Variants in ELOVL5 observed in about 807,000 individuals in gnomAD.
ELOVL5 encodes very long chain fatty acid elongase 5.
Under a neutral mutation model 38.6 loss-of-function variants are expected in ELOVL5, and 8 were observed. The ratio of observed to expected loss-of-function variants is 0.21; its 90% confidence interval spans 0.12 to 0.37. ELOVL5 has a LOEUF of 0.37. Among genes scored for constraint, ELOVL5 ranks in the 10% least tolerant of loss-of-function variants. The pLI is 1.00. For synonymous variants in ELOVL5, 127 were observed against 133.7 expected, an observed-to-expected ratio of 0.95 and a Z score of 0.34; for missense variants, 280 against 367.8, an observed-to-expected ratio of 0.76 and a Z score of 1.95.
intron 1 of ELOVL5, among the ~76,000 whole-genome samples, chr6:53,313,799 C>G (rs1214773729): frequency 1.3e-5 from 2 of 152,054 alleles, no homozygotes; most frequent in Non-Finnish European, 2.9e-5. Context: ...CACTGAGAAG[C>G]AAAAAAGGGT....
rs1178195926 is a variant in ELOVL5, at chr6:53,305,579, G to A, written c.-8-9872C>T. On this transcript the variant is annotated intron_variant, in intron 1 of 7. Coordinates refer to ENST00000304434, the MANE Select transcript of ELOVL5 (RefSeq NM_021814.5). ...TCCCAGACGGGGTCGCGGCTGGGCC[G>A]AGGCGCTCCCCACATCTCAGACGAT... Among the ~76,000 whole-genome samples the A allele has an allele frequency of 2.7e-4, 41 of 151,168 alleles. 1 individual carries two copies. Among genetic ancestry groups the A allele is most frequent in the Middle Eastern group, 3.4e-3 (1 of 292 alleles).
chr6:53,315,652 A>G (rs989556094), intron 1 of ELOVL5, among the ~76,000 whole-genome samples: 2 of 152,210 alleles, frequency 1.3e-5, no homozygotes, highest in Admixed American at 6.5e-5. Flanking sequence ...CGGGGGTTCC[A>G]TATCAATTGT....
At chr6:53,304,738 TGG>T (rs1198300960) in intron 1 of ELOVL5, among the ~76,000 whole-genome samples, 1 of 152,186 alleles carries the variant, frequency 6.6e-6, no homozygotes, top group Admixed American at 6.5e-5. Flanking sequence ...AGCACAGGGT[TGG>T]GGGTAAGGTC....
rs749174961 is a variant in ELOVL5, at chr6:53,269,181, G to A, written c.846C>T (p.Asn282=). The part of the protein sequence containing the change: ...GSMAAVNGHT[N]SFSPLENNVK... ...CATTGTTTTCCAGGGGTGAAAAGCT[G>A]TTGGTGTGTCCATTCACAGCAGCCA... is the stretch of plus-strand genomic sequence containing the variant. The change falls in exon 8 of 8, where the codon AAC becomes AAT. Residue 282 remains asparagine (N), a synonymous_variant. Transcript: ENST00000304434. 3.2e-5 allele frequency: 51 copies of A among 1,613,942 alleles called. No individual in the cohort carries two copies. The Admixed American group carries it at 6.2e-4, about 20-fold the overall frequency.
chr6:53,275,375 G>A lies in ELOVL5; in HGVS notation c.325-114C>T, dbSNP rs1483549586. ...CTGATGTCAACTCGGAGAAGCCCGA[G>A]TGCCCCAAGAGCTCTTAATGTCCAT... is the stretch of plus-strand genomic sequence containing the variant. On this transcript the variant is annotated intron_variant, in intron 4 of 7. Coordinates refer to ENST00000304434, the MANE Select transcript of ELOVL5 (RefSeq NM_021814.5). The A allele has an allele frequency of 5.7e-6, 6 of 1,057,878 alleles. No individual in the cohort carries two copies. In the African/African-American group the frequency reaches 6.4e-5, roughly 11 times the overall value. 65.5% of individuals were successfully genotyped at this position (1,057,878 alleles called of 1,614,324 possible). A position where few individuals can be genotyped will look rare whatever the true frequency, so the allele number is the denominator to read the frequency against.
chr6:53,271,950 C>G (rs567214603), intron 6 of ELOVL5, among the ~76,000 whole-genome samples: 168 of 152,286 alleles, frequency 1.1e-3, no homozygotes, highest in Non-Finnish European at 1.8e-3. Context: ...TGGTATAAAT[C>G]AATTTCTGCA....
chr6:53,273,380 TTAG>T, intron 5 of ELOVL5, 36 bp from the exon 6 acceptor site: 9 of 1,606,522 alleles, frequency 5.6e-6, no homozygotes, highest in Non-Finnish European at 7.7e-6. Context: ...GGAGAATGTA[TTAG>T]TGTTTTAAAC....
intron 1 of ELOVL5, among the ~76,000 whole-genome samples, chr6:53,321,062 T>A (rs749075682): frequency 3.3e-5 from 5 of 152,204 alleles, no homozygotes; most frequent in East Asian, 1.9e-4. Context: ...GATTCTTTGA[T>A]GAACTGCTGC....
At chr6:53,279,345 T>C (rs1317965647) in intron 3 of ELOVL5, among the ~76,000 whole-genome samples, 1 of 152,194 alleles carries the variant, frequency 6.6e-6, no homozygotes, top group Non-Finnish European at 1.5e-5. Context: ...CAGTTAAAAT[T>C]CTATTTTCTT....
Position 53,275,363 on chromosome 6 carries a change from G to A in ELOVL5, c.325-102C>T, listed in dbSNP as rs2294862. The A allele has an allele frequency of 0.31, 384,524 of 1,238,606 alleles. 62,006 individuals carry two copies. The highest frequency in any genetic ancestry group is 0.48 in the African/African-American group (31,973 of 66,506). The allele number at this position is 1,238,606 out of a possible 1,614,324, so 76.7% of individuals were successfully genotyped here. ...ATATCCAAAAATCTGATGTCAACTCGGAGAAGCCCGAGTGCCCCAAGAGCT... is the reference window on the plus strand; with the variant it reads ...ATATCCAAAAATCTGATGTCAACTCAGAGAAGCCCGAGTGCCCCAAGAGCT... On this transcript the variant is annotated intron_variant, in intron 4 of 7. Transcript: ENST00000304434.
At chr6:53,271,838 C>G (rs1172317518) in intron 6 of ELOVL5, among the ~76,000 whole-genome samples, 4 of 152,126 alleles carry the variant, frequency 2.6e-5, no homozygotes, top group African/African-American at 7.2e-5. Flanking sequence ...ATCCTGACAA[C>G]CTGGGTAGGT....
At chr6:53,276,056 CT>C in intron 4 of ELOVL5, 122 bp downstream of exon 4, 3 of 651,008 alleles carry the variant, frequency 4.6e-6, no homozygotes, top group Non-Finnish European at 7.9e-6. Context: ...CTTTTTTATT[CT>C]TTTAAAAATA....
rs1050036709 is a variant in ELOVL5, at chr6:53,348,809, G to A, written c.-9+8C>T. 8.8e-6 allele frequency: 4 copies of A among 455,266 alleles called. No individual in the cohort carries two copies. Among genetic ancestry groups the A allele is most frequent in the East Asian group, 7.1e-5 (1 of 14,160 alleles). 28.2% of individuals were successfully genotyped at this position (455,266 alleles called of 1,614,324 possible). A position where few individuals can be genotyped will look rare whatever the true frequency, so the allele number is the denominator to read the frequency against. On this transcript the variant is annotated splice_region_variant and intron_variant, in intron 1 of 7. Transcript: ENST00000304434. ...CCCGACGAAGTTTCCCGGAGCTGAC[G>A]GCTTTACCTTTTAGCCCAAGGGGCG...
intron 1 of ELOVL5, among the ~76,000 whole-genome samples, chr6:53,313,744 A>AC (rs1431213170): frequency 6.6e-6 from 1 of 152,058 alleles, no homozygotes; most frequent in Non-Finnish European, 1.5e-5. Context: ...TAAAAACAAA[A>AC]AAACTGTGCT....
intron 1 of ELOVL5, among the ~76,000 whole-genome samples, chr6:53,324,457 T>C (rs932341649): frequency 1.3e-5 from 2 of 151,028 alleles, no homozygotes; most frequent in African/African-American, 4.9e-5. Context: ...AGGCAGATCG[T>C]TTGAGCCCAG....
chr6:53,269,041 C>A lies in ELOVL5; in HGVS notation c.*86G>T. On this transcript the variant is annotated 3_prime_UTR_variant, in exon 8 of 8. Coordinates refer to ENST00000304434, the MANE Select transcript of ELOVL5 (RefSeq NM_021814.5). Reference sequence around the variant, plus strand: ...ACACTATTGTAGGCCAGACTAGTTACAGCAGCTGTTAACGAGCATTGGGGC... The same window carrying A: ...ACACTATTGTAGGCCAGACTAGTTAAAGCAGCTGTTAACGAGCATTGGGGC... 1 of 1,496,650 alleles carries A rather than the reference C, an allele frequency of 6.7e-7. No individual in the cohort carries two copies. Among genetic ancestry groups the A allele is most frequent in the Non-Finnish European group, 9.1e-7 (1 of 1,099,198 alleles). 92.7% of individuals were successfully genotyped at this position (1,496,650 alleles called of 1,614,324 possible). A position where few individuals can be genotyped will look rare whatever the true frequency, so the allele number is the denominator to read the frequency against.
intron 1 of ELOVL5, among the ~76,000 whole-genome samples, chr6:53,300,192 G>A (rs921660875): frequency 6.6e-6 from 1 of 152,076 alleles, no homozygotes; most frequent in Non-Finnish European, 1.5e-5. Context: ...CTCAGGCAAG[G>A]CTGTTTGTTT....
rs974323 is a variant in ELOVL5, at chr6:53,294,749, C to T, written c.58+893G>A. Among the ~76,000 whole-genome samples, 51,896 of 151,950 alleles carry T rather than the reference C, an allele frequency of 0.34. 9,490 individuals carry two copies. The highest frequency in any genetic ancestry group is 0.48 in the African/African-American group (19,744 of 41,380). On this transcript the variant is annotated intron_variant, in intron 2 of 7. Coordinates refer to ENST00000304434, the MANE Select transcript of ELOVL5 (RefSeq NM_021814.5). ...CATACACTAATTTACAGAACCTCTC[C>T]CCTACTGACAGGCATCCAGATGATT...
At chr6:53,327,510 G>A (rs199739380) in intron 1 of ELOVL5, among the ~76,000 whole-genome samples, 6 of 136,852 alleles carry the variant, frequency 4.4e-5, no homozygotes, top group African/African-American at 1.7e-4. Context: ...AAAGCAGATG[G>A]GTGGTTGTCA....
Sources: allele counts gnomAD v4.1 joint callset (sites outside exome capture counted in the v4.1 genomes callset), GRCh38; gene constraint gnomAD v4.1.1; transcripts MANE v1.5; gene names NCBI Gene and HGNC (gene_info 2026-07-23, HGNC 2026-07-21).